The following DNAJC1 variants were observed in gnomAD, a reference collection of about 807,000 sequenced individuals.
DNAJC1 encodes dnaJ homolog subfamily C member 1.
In DNAJC1, 58 loss-of-function variants were observed where a neutral mutation model predicts 76.6. The ratio of observed to expected loss-of-function variants is 0.76; its 90% confidence interval spans 0.61 to 0.94. The LOEUF is 0.94. DNAJC1 is among the 40% of genes least tolerant of loss of function. DNAJC1 has a pLI of 0.00. For missense variants in DNAJC1, 689 were observed against 677.3 expected (o/e 1.02, Z -0.19); for synonymous variants, 258 against 267.9 (o/e 0.96, Z 0.36).
At chr10:21,895,834 A>C (rs1322485197) in intron 7 of DNAJC1, among the ~76,000 whole-genome samples, 4 of 152,192 alleles carry the variant, frequency 2.6e-5, no homozygotes, top group African/African-American at 9.6e-5. Flanking sequence ...AAAGGGGCCC[A>C]AAACACTTGT....
chr10:21,901,790 T>C (rs1257572133), intron 7 of DNAJC1, among the ~76,000 whole-genome samples: 1 of 152,186 alleles, frequency 6.6e-6, no homozygotes, highest in Non-Finnish European at 1.5e-5. Flanking sequence ...CTACATGAGA[T>C]GCATTTACTC....
intron 1 of DNAJC1, among the ~76,000 whole-genome samples, chr10:21,974,272 T>C (rs542957848): frequency 3.2e-4 from 48 of 152,086 alleles, no homozygotes; most frequent in African/African-American, 1.1e-3. Flanking sequence ...CTCAAGAACA[T>C]AGGAAATGTA....
intron 1 of DNAJC1, among the ~76,000 whole-genome samples, chr10:21,996,563 G>T (rs1217216912): frequency 2.6e-5 from 4 of 152,154 alleles, no homozygotes; most frequent in African/African-American, 9.7e-5. Context: ...AGGAATAATT[G>T]TAATAGCAGA....
intron 3 of DNAJC1, among the ~76,000 whole-genome samples, chr10:21,921,466 C>T (rs1371654703): frequency 6.6e-6 from 1 of 151,966 alleles, no homozygotes; most frequent in Non-Finnish European, 1.5e-5. Context: ...TATTTATACA[C>T]ATGATTTTAT....
At chr10:21,814,464 G>C (rs1297564272) in intron 8 of DNAJC1, among the ~76,000 whole-genome samples, 1 of 152,198 alleles carries the variant, frequency 6.6e-6, no homozygotes, top group Non-Finnish European at 1.5e-5. Context: ...AGCATGAAAA[G>C]AGAAATTCAT....
chr10:21,919,964 A>T (rs765349156), intron 4 of DNAJC1, 35 bp from the exon 5 acceptor site: 1 of 1,316,896 alleles, frequency 7.6e-7, no homozygotes, highest in African/African-American at 1.5e-5. Context: ...ACAGGTTATC[A>T]TTAACATGTA....
chr10:21,799,892 ACTG>A (rs1834795177), intron 9 of DNAJC1, among the ~76,000 whole-genome samples: 1 of 152,114 alleles, frequency 6.6e-6, no homozygotes, highest in Non-Finnish European at 1.5e-5. Context: ...CTGTGAAGGC[ACTG>A]TTCCCTCATC....
chr10:21,947,564 A>G (rs930585497), intron 1 of DNAJC1, among the ~76,000 whole-genome samples: 2 of 152,242 alleles, frequency 1.3e-5, no homozygotes, highest in African/African-American at 4.8e-5. Flanking sequence ...AGTATATGAT[A>G]CATATAACGT....
intron 1 of DNAJC1, among the ~76,000 whole-genome samples, chr10:21,941,759 A>G (rs936698556): frequency 6.6e-6 from 1 of 152,152 alleles, no homozygotes; most frequent in African/African-American, 2.4e-5. Flanking sequence ...AATATGCCAT[A>G]AGAGACAACC....
chr10:21,891,476 CAAAAAAAA>C (rs369729722), intron 7 of DNAJC1, among the ~76,000 whole-genome samples: 32 of 38,870 alleles, frequency 8.2e-4, no homozygotes, highest in East Asian at 1.5e-3. Flanking sequence ...ACAAAGTAGA[CAAAAAAAA>C]AAAAAAAAAA....
chr10:21,945,729 GT>G, intron 1 of DNAJC1, among the ~76,000 whole-genome samples: 1 of 152,286 alleles, frequency 6.6e-6, no homozygotes, highest in South Asian at 2.1e-4. Flanking sequence ...GAGGGTACAA[GT>G]TGATAGTAAG....
At chr10:21,830,483 T>C (rs1287793371) in intron 8 of DNAJC1, among the ~76,000 whole-genome samples, 2 of 152,188 alleles carry the variant, frequency 1.3e-5, no homozygotes, top group African/African-American at 2.4e-5. Context: ...TGGCGTTCCT[T>C]TGTTTTCTCT....
intron 8 of DNAJC1, among the ~76,000 whole-genome samples, chr10:21,841,630 T>C (rs1403062692): frequency 6.6e-6 from 1 of 152,128 alleles, no homozygotes; most frequent in Admixed American, 6.5e-5. Context: ...TGTGGAGTAA[T>C]AGGAACATTT....
Position 21,775,134 on chromosome 10 carries a change from T to C in DNAJC1, c.1099-8825A>G, listed in dbSNP as rs540592713. On this transcript the variant is annotated intron_variant, in intron 9 of 11. Coordinates refer to ENST00000376980, the MANE Select transcript of DNAJC1 (RefSeq NM_022365.4). The stretch of plus-strand genomic sequence containing the variant: ...TAATGGAAACGATGTGATGTCGCTA[T>C]TGTCATTTTGCAGCCATACCTTTTT... Among the ~76,000 whole-genome samples the C allele has an allele frequency of 4.6e-5, 7 of 152,320 alleles. No individual in the cohort carries two copies. In the South Asian group the frequency reaches 1.4e-3, roughly 32 times the overall value.
chr10:21,925,472 C>T (rs1295880931), intron 3 of DNAJC1, among the ~76,000 whole-genome samples: 4 of 152,218 alleles, frequency 2.6e-5, no homozygotes, highest in Non-Finnish European at 4.4e-5. Context: ...ATATGTCCAT[C>T]TGAAGATTTA....
chr10:21,809,721 G>C (rs891015399), intron 8 of DNAJC1, among the ~76,000 whole-genome samples: 3 of 151,924 alleles, frequency 2.0e-5, no homozygotes, highest in African/African-American at 7.3e-5. Flanking sequence ...ATTTAATTTA[G>C]TGCACAGTTT....
chr10:21,757,776 G>T (rs1182360620), intron 11 of DNAJC1, among the ~76,000 whole-genome samples: 1 of 152,210 alleles, frequency 6.6e-6, no homozygotes, highest in African/African-American at 2.4e-5. Flanking sequence ...CGGGACAGCA[G>T]GAAGCTCAGC....
At chr10:21,877,130 C>T (rs763026874) in intron 8 of DNAJC1, among the ~76,000 whole-genome samples, 5 of 151,760 alleles carry the variant, frequency 3.3e-5, no homozygotes, top group Admixed American at 2.0e-4. Context: ...AAAAATTAGC[C>T]GGGTGTGGTG....
intron 1 of DNAJC1, among the ~76,000 whole-genome samples, chr10:21,952,315 G>C (rs886846892): frequency 9.2e-5 from 14 of 152,072 alleles, no homozygotes; most frequent in African/African-American, 1.4e-4. Flanking sequence ...AGATTACAAG[G>C]CTTCCAATAT....
Sources: allele counts gnomAD v4.1 joint callset (sites outside exome capture counted in the v4.1 genomes callset), GRCh38; gene constraint gnomAD v4.1.1; transcripts MANE v1.5; gene names NCBI Gene and HGNC (gene_info 2026-07-23, HGNC 2026-07-21).